PBX1: variants seen among roughly 807,000 people sequenced by gnomAD.
The protein encoded by PBX1 is PBX homeobox 1, also known as pre-B-cell leukemia transcription factor 1.
A neutral mutation model predicts 53.4 loss-of-function variants in PBX1; 6 were observed. The observed-to-expected ratio is 0.11, with a 90% CI of 0.06 to 0.22. The LOEUF (loss-of-function observed/expected upper bound fraction) is 0.22. Among genes scored for constraint, PBX1 ranks in the 10% least tolerant of loss-of-function variants. The pLI, the probability that PBX1 is intolerant of heterozygous loss-of-function variation, is 1.00. For synonymous variants in PBX1, 204 were observed against 212.3 expected, an observed-to-expected ratio of 0.96 and a Z score of 0.34; for missense variants, 251 against 551.4, an observed-to-expected ratio of 0.46 and a Z score of 5.46.
chr1:164,669,033 C>T (rs1180455926), intron 2 of PBX1, among the ~76,000 whole-genome samples: 4 of 152,110 alleles, frequency 2.6e-5, no homozygotes, highest in Non-Finnish European at 1.5e-5. Flanking sequence ...CTTGGAGCCC[C>T]ACTCTGGGGA....
chr1:164,793,932 C>T (rs1278206356), intron 3 of PBX1, among the ~76,000 whole-genome samples: 6 of 142,538 alleles, frequency 4.2e-5, no homozygotes, highest in Non-Finnish European at 7.5e-5. Context: ...TAGAGTGCAC[C>T]GGCACGATCT....
At position 164,740,367 on chromosome 1, in the gene PBX1, TA is replaced by T. The variant is rs58047302; in HGVS notation, c.266-52117del. Reference sequence around the variant, plus strand: ...ATTTTAAATTATAGTATGGAAAAAATAAAAAAAAAATGAAAAGACTCAGTTC... The same window carrying T: ...ATTTTAAATTATAGTATGGAAAAAATAAAAAAAAATGAAAAGACTCAGTTC... On this transcript the variant is annotated intron_variant, in intron 2 of 8. Transcript: ENST00000420696. Among the ~76,000 whole-genome samples the T allele has an allele frequency of 2.8e-3, 407 of 144,678 alleles. 2 individuals are homozygous for T. The highest frequency in any genetic ancestry group is 0.011 in the Middle Eastern group (3 of 284). The allele number at this position is 144,678 out of a possible 152,430, so 94.9% of individuals were successfully genotyped here. A position where few individuals can be genotyped will look rare whatever the true frequency, so the allele number is the denominator to read the frequency against.
intron 2 of PBX1, among the ~76,000 whole-genome samples, chr1:164,779,627 T>A (rs1300244957): frequency 1.3e-5 from 2 of 152,192 alleles, no homozygotes; most frequent in Admixed American, 6.5e-5. Context: ...CCTGCAAAGT[T>A]CTCTGCTGAA....
chr1:164,757,146 G>A lies in PBX1; in HGVS notation c.266-35348G>A, dbSNP rs778813862. Among the ~76,000 whole-genome samples, 6 of 152,188 alleles carry A rather than the reference G, an allele frequency of 3.9e-5. No homozygotes were observed. In the South Asian group the frequency reaches 8.3e-4, roughly 21 times the overall value. ...GACATAGCAATGAACAAGAGAGAAG[G>A]TATCATTGCCCCCCATGGAAACTGG... On this transcript the variant is annotated intron_variant, in intron 2 of 8. Coordinates refer to ENST00000420696, the MANE Select transcript of PBX1 (RefSeq NM_002585.4).
intron 2 of PBX1, among the ~76,000 whole-genome samples, chr1:164,762,535 T>G (rs1173193178): frequency 6.6e-6 from 1 of 152,244 alleles, no homozygotes; most frequent in Non-Finnish European, 1.5e-5. Flanking sequence ...ATAACCCACC[T>G]TCTGGAACCA....
rs374006369 is a variant in PBX1, at chr1:164,823,356, C to T, written c.1200+1730C>T. 9.2e-5 allele frequency among the ~76,000 whole-genome samples: 14 copies of T among 151,974 alleles called. No homozygotes were observed. The East Asian group carries it at 2.5e-3, about 27-fold the overall frequency. On this transcript the variant is annotated intron_variant, in intron 8 of 8. Coordinates refer to ENST00000420696, the MANE Select transcript of PBX1 (RefSeq NM_002585.4). ...GATTTTGTCTGAGTGCAGGTTTATACACACATGCATTTATGTATTTCCTGA... is the reference window on the plus strand; with the variant it reads ...GATTTTGTCTGAGTGCAGGTTTATATACACATGCATTTATGTATTTCCTGA...
At chr1:164,683,838 G>C (rs1490203561) in intron 2 of PBX1, 1 of 150,122 alleles carries the variant, frequency 6.7e-6, no homozygotes, top group Non-Finnish European at 1.5e-5. Context: ...TTGTTTTTGA[G>C]ACAGGATTTC....
chr1:164,692,131 G>A (rs184891796), intron 2 of PBX1, among the ~76,000 whole-genome samples: 3 of 152,222 alleles, frequency 2.0e-5, no homozygotes, highest in East Asian at 3.9e-4. Context: ...ACCTGTATAC[G>A]TGCTTGTGTG....
At chr1:164,777,794 A>G (rs890481190) in intron 2 of PBX1, among the ~76,000 whole-genome samples, 4 of 152,176 alleles carry the variant, frequency 2.6e-5, no homozygotes, top group African/African-American at 7.2e-5. Context: ...GTCTATACCA[A>G]CGTCAGTTCC....
chr1:164,798,296 C>T (rs753155207), intron 3 of PBX1, among the ~76,000 whole-genome samples: 3 of 152,172 alleles, frequency 2.0e-5, no homozygotes, highest in African/African-American at 7.2e-5. Context: ...CAATAACGAG[C>T]GTGTTTCTGC....
chr1:164,773,243 G>GCGCACACACACACACACA (rs113836981), intron 2 of PBX1, among the ~76,000 whole-genome samples: 37 of 147,784 alleles, frequency 2.5e-4, no homozygotes, highest in African/African-American at 2.5e-4. Context: ...GGTAACACGC[G>GCGCACACACACACACACA]CACACACACA....
intron 2 of PBX1, among the ~76,000 whole-genome samples, chr1:164,738,767 T>A (rs1468388802): frequency 1.3e-5 from 2 of 152,208 alleles, no homozygotes; most frequent in Admixed American, 6.5e-5. Flanking sequence ...CATGCTCAGA[T>A]GCATAGTTCA....
downstream of PBX1, among the ~76,000 whole-genome samples, chr1:164,852,055 G>C (rs1671865825): frequency 6.6e-6 from 1 of 152,146 alleles, no homozygotes; most frequent in Non-Finnish European, 1.5e-5. Flanking sequence ...CTGTATTACA[G>C]AGGGACAGAG....
rs73029065 is a variant in PBX1 at position 164,808,354 on chromosome 1, A to G, written c.837+677A>G. Among the ~76,000 whole-genome samples the G allele has an allele frequency of 8.7e-3, 1,332 of 152,330 alleles. 32 individuals carry two copies. Among genetic ancestry groups the G allele is most frequent in the African/African-American group, 0.03 (1,264 of 41,566 alleles). On this transcript the variant is annotated intron_variant, in intron 5 of 8. Coordinates refer to ENST00000420696, the MANE Select transcript of PBX1 (RefSeq NM_002585.4). ...TGAAGCAGAGAAGTAGGCAATAATT[A>G]TGTGTACGTGTATTTTGTCCACTCA...
At chr1:164,655,434 CCTGT>C (rs1660109338) in intron 2 of PBX1, among the ~76,000 whole-genome samples, 1 of 152,042 alleles carries the variant, frequency 6.6e-6, no homozygotes, top group African/African-American at 2.4e-5. Context: ...TTTTAAACTG[CCTGT>C]CTTCTACAGA....
chr1:164,661,813 T>TA (rs1335669548), intron 2 of PBX1, among the ~76,000 whole-genome samples: 2 of 152,148 alleles, frequency 1.3e-5, no homozygotes, highest in Admixed American at 6.5e-5. Context: ...CATTGGAAGT[T>TA]AAAAGAAAAG....
chr1:164,572,987 A>G (rs914834373), intron 2 of PBX1, among the ~76,000 whole-genome samples: 4 of 152,170 alleles, frequency 2.6e-5, no homozygotes, highest in African/African-American at 7.2e-5. Context: ...AGCAAAAGGC[A>G]TCTCCACACT....
rs191654342 is a variant in PBX1, at chr1:164,606,517, A to G, written c.265+43206A>G. On this transcript the variant is annotated intron_variant, in intron 2 of 8. Coordinates refer to ENST00000420696, the MANE Select transcript of PBX1 (RefSeq NM_002585.4). ...TTTGAACCTGGGAGGCGAAGGTTTC[A>G]GTGAGCTGAGGTAGCGCCGCTGCAC... Among the ~76,000 whole-genome samples the G allele has an allele frequency of 1.2e-3, 179 of 152,344 alleles. 1 individual carries two copies. Among genetic ancestry groups the G allele is most frequent in the African/African-American group, 4.1e-3 (169 of 41,582 alleles).
chr1:164,700,675 T>C (rs750782942), intron 2 of PBX1: 2 of 985,334 alleles, frequency 2.0e-6, no homozygotes, highest in Non-Finnish European at 2.4e-6. Flanking sequence ...CTGCAGCAGA[T>C]AGGATGATGG....
Sources: gnomAD v4.1 joint callset for allele counts (sites outside exome capture counted in the v4.1 genomes callset) on GRCh38, gnomAD v4.1.1 for gene constraint, MANE v1.5 for transcripts, NCBI Gene and HGNC (gene_info 2026-07-23, HGNC 2026-07-21) for gene names.